MIA2: variants seen among roughly 807,000 people sequenced by gnomAD.
MIA2 encodes melanoma inhibitory activity protein 2.
In MIA2, 127 loss-of-function variants were observed where a neutral mutation model predicts 167.8. That is an observed-to-expected ratio of 0.76 (90% CI 0.66 to 0.88). MIA2 has a LOEUF of 0.88. Among genes scored for constraint, MIA2 ranks in the 40% least tolerant of loss-of-function variants. MIA2 has a pLI of 0.00. For synonymous variants in MIA2, 552 were observed against 541.9 expected (o/e 1.02, Z -0.26); for missense variants, 1,690 against 1,624.7 (o/e 1.04, Z -0.69).
At chr14:39,248,669 G>A (rs763641612) in intron 4 of MIA2, among the ~76,000 whole-genome samples, 5 of 151,734 alleles carry the variant, frequency 3.3e-5, no homozygotes, top group Non-Finnish European at 4.4e-5. Flanking sequence ...ATTCACATTC[G>A]CTTTTTAGCC....
At chr14:39,298,413 T>TTTTTTATATATATATATATATA (rs1397878336) in intron 13 of MIA2, among the ~76,000 whole-genome samples, 2 of 26,138 alleles carry the variant, frequency 7.7e-5, no homozygotes, top group African/African-American at 2.8e-4. Context: ...TGATTCTGTT[T>TTTTTTATATATATATATATATA]TATATATATA....
intron 23 of MIA2, among the ~76,000 whole-genome samples, chr14:39,356,917 A>C (rs943288919): frequency 5.9e-5 from 9 of 152,016 alleles, no homozygotes; most frequent in East Asian, 1.9e-4. Flanking sequence ...GTCTGAGAGA[A>C]AGTTTGTTAT....
Position 39,349,118 on chromosome 14 carries a change from T to C in MIA2, c.4072+141T>C, listed in dbSNP as rs187320068. The C allele has an allele frequency of 1.4e-5, 16 of 1,141,846 alleles. No homozygotes were observed. The East Asian group carries it at 4.2e-4, about 30-fold the overall frequency. 70.7% of individuals were successfully genotyped at this position (1,141,846 alleles called of 1,614,324 possible). ...TGTGAATCTGAAAATTCTCATTACT[T>C]TTCCGAATTGGGAAGGCAGCCAGCC... is the stretch of plus-strand genomic sequence containing the variant. On this transcript the variant is annotated intron_variant, in intron 28 of 28. Transcript: ENST00000640607.
chr14:39,293,652 A>G (rs187491180), intron 11 of MIA2, among the ~76,000 whole-genome samples: 63 of 152,272 alleles, frequency 4.1e-4, no homozygotes, highest in African/African-American at 1.5e-3. Context: ...CATAGTGTAT[A>G]TTTGTAATTA....
intron 26 of MIA2, among the ~76,000 whole-genome samples, chr14:39,346,321 A>T (rs913783367): frequency 6.6e-6 from 1 of 152,162 alleles, no homozygotes; most frequent in Non-Finnish European, 1.5e-5. Flanking sequence ...GTCCACTTAC[A>T]TGTGTTCTGT....
At chr14:39,334,179 A>G (rs182420118) in intron 25 of MIA2, among the ~76,000 whole-genome samples, 1 of 152,318 alleles carries the variant, frequency 6.6e-6, no homozygotes, top group East Asian at 1.9e-4. Flanking sequence ...TGCCATTTAA[A>G]TAGTCACTGA....
At chr14:39,265,758 C>A (rs2055524367) in intron 6 of MIA2, 1 of 229,002 alleles carries the variant, frequency 4.4e-6, no homozygotes, top group South Asian at 8.4e-5. Context: ...TTGAGGCATA[C>A]ACGTTGTTCT....
At chr14:39,345,196 C>T (rs1243877803) in intron 25 of MIA2, among the ~76,000 whole-genome samples, 3 of 152,110 alleles carry the variant, frequency 2.0e-5, no homozygotes, top group Admixed American at 6.6e-5. Flanking sequence ...TCTTCTGCCT[C>T]AGTCTCCCGA....
Position 39,326,994 on chromosome 14 carries a change from G to A in MIA2, c.3627G>A (p.Gln1209=). The A allele has an allele frequency of 1.3e-6, 2 of 1,543,978 alleles. No homozygotes were observed. Among genetic ancestry groups the A allele is most frequent in the East Asian group, 2.4e-5 (1 of 40,852 alleles). Residue 1209 remains glutamine, a synonymous_variant, in exon 25 of 29, where the codon CAG becomes CAA. Transcript: ENST00000640607. ...GGTCTCTGTCACCTCCATGGGACCA[G>A]GACCGTAGGATGATGTTTCCTCCGC... is the stretch of plus-strand genomic sequence containing the variant. ...DTGSLSPPWD[Q]DRRMMFPPPG...
At chr14:39,255,351 T>C (rs1029484919) in intron 6 of MIA2, among the ~76,000 whole-genome samples, 1 of 151,898 alleles carries the variant, frequency 6.6e-6, no homozygotes, top group African/African-American at 2.4e-5. Flanking sequence ...CTACAAAAAA[T>C]ACAAAAATTA....
In MIA2 at chr14:39,248,179, T is replaced by C. The variant is rs187542620; in HGVS notation, c.1567+38T>C. 1,009 of 1,271,086 alleles carry C rather than the reference T, an allele frequency of 7.9e-4. 6 individuals are homozygous for C. The African/African-American group carries it at 0.014, about 17-fold the overall frequency. 78.7% of individuals were successfully genotyped at this position (1,271,086 alleles called of 1,614,324 possible). The stretch of plus-strand genomic sequence containing the variant: ...ATATTTACATTAGAATTTATTTTAT[T>C]TTTAAACATAATTTATTTTTATAAG... On this transcript the variant is annotated intron_variant, in intron 4 of 28. Coordinates refer to ENST00000640607, the MANE Select transcript of MIA2 (RefSeq NM_001329214.4).
chr14:39,256,869 AG>A (rs1196156892), intron 6 of MIA2, among the ~76,000 whole-genome samples: 3 of 152,252 alleles, frequency 2.0e-5, no homozygotes, highest in African/African-American at 4.8e-5. Flanking sequence ...CAACAATTCA[AG>A]AAATTTTAGA....
At chr14:39,294,222 T>G in intron 12 of MIA2, 151 bp downstream of exon 12, 1 of 534,070 alleles carries the variant, frequency 1.9e-6, no homozygotes, top group Non-Finnish European at 3.3e-6. Context: ...CTAAATGAAT[T>G]AGCATGGCTG....
At chr14:39,374,825 C>T (rs984110743) in intron 23 of MIA2, among the ~76,000 whole-genome samples, 6 of 152,166 alleles carry the variant, frequency 3.9e-5, no homozygotes, top group Non-Finnish European at 8.8e-5. Context: ...ACTCATTTTG[C>T]GTGTAATACT....
At chr14:39,300,953 C>CAT (rs372087077) in intron 14 of MIA2, among the ~76,000 whole-genome samples, 1 of 9,958 alleles carries the variant, frequency 1.0e-4, no homozygotes. Context: ...CATATATACA[C>CAT]ATACATATAC....
chr14:39,311,305 A>G (rs73277483), intron 18 of MIA2, among the ~76,000 whole-genome samples: 2,807 of 151,164 alleles, frequency 0.019, 97 homozygotes, highest in African/African-American at 0.064. Flanking sequence ...TATTGAGTTG[A>G]TAGTACCAGT....
chr14:39,333,299 C>T (rs944660160), intron 25 of MIA2, among the ~76,000 whole-genome samples: 8 of 152,122 alleles, frequency 5.3e-5, no homozygotes, highest in African/African-American at 7.2e-5. Context: ...CTGTAGAAGA[C>T]CATTAACTTG....
At chr14:39,336,442 T>C (rs1435973523) in intron 25 of MIA2, among the ~76,000 whole-genome samples, 2 of 152,206 alleles carry the variant, frequency 1.3e-5, no homozygotes, top group Non-Finnish European at 2.9e-5. Flanking sequence ...TCTTATAAAC[T>C]AATAAGGATT....
rs1566593043 is a variant in MIA2 at position 39,246,927 on chromosome 14, G to A, written c.353G>A (p.Cys118Tyr). 2 of 1,509,352 alleles carry A rather than the reference G, an allele frequency of 1.3e-6. No homozygotes were observed. The highest frequency in any genetic ancestry group is 1.8e-6 in the Non-Finnish European group (2 of 1,132,688). The allele number at this position is 1,509,352 out of a possible 1,614,324, so 93.5% of individuals were successfully genotyped here. The change falls in exon 4 of 29, where the codon TGT (cysteine) becomes TAT (tyrosine). Residue 118 changes from cysteine (C) to tyrosine (Y), a missense_variant. Physicochemically the swap from Cys to Tyr is radical, Grantham distance 194. Coordinates refer to ENST00000640607, the MANE Select transcript of MIA2 (RefSeq NM_001329214.4). ...TCCTTTTAGGAATCTGACTTTCTTT[G>A]TCTTCTTGGAGTAAGTTACACATTT... Reference protein sequence around the residue: ...QMSTKESDFLCLLGVSYTFDN... With the variant: ...QMSTKESDFLYLLGVSYTFDN...
Sources: gnomAD v4.1 joint callset for allele counts (sites outside exome capture counted in the v4.1 genomes callset) on GRCh38, gnomAD v4.1.1 for gene constraint, MANE v1.5 for transcripts, NCBI Gene and HGNC (gene_info 2026-07-23, HGNC 2026-07-21) for gene names.